Variants in MGAM2 observed in about 807,000 individuals in gnomAD.
MGAM2 encodes the protein maltase-glucoamylase 2 (putative).
In MGAM2, 98 loss-of-function variants were observed where a neutral mutation model predicts 96.1. The observed-to-expected ratio is 1.02, with a 90% CI of 0.87 to 1.21. MGAM2 has a LOEUF of 1.21. Among genes scored for constraint, MGAM2 ranks in the 50% most tolerant of loss-of-function variants. The pLI is 0.00. For synonymous variants in MGAM2, 749 were observed against 414.8 expected (o/e 1.81, Z -9.79); for missense variants, 2,055 against 1,182.4 (o/e 1.74, Z -10.82).
At chr7:142,198,230 G>T in intron 43 of MGAM2, 35 bp downstream of exon 43, 1 of 700,732 alleles carries the variant, frequency 1.4e-6, no homozygotes, top group Non-Finnish European at 2.6e-6. Flanking sequence ...AACCAGTTTG[G>T]TCTATGCAGG....
chr7:142,193,759 C>T (rs1305164177), intron 37 of MGAM2, among the ~76,000 whole-genome samples: 3 of 152,256 alleles, frequency 2.0e-5, no homozygotes, highest in South Asian at 2.1e-4. Context: ...TATGCTCCTT[C>T]CACACCTGGG....
chr7:142,162,034 A>G (rs1329577012), intron 23 of MGAM2, 30 bp downstream of exon 23: 1 of 678,456 alleles, frequency 1.5e-6, no homozygotes, highest in Non-Finnish European at 2.7e-6. Context: ...AACACACAGC[A>G]TATGTTCCTT....
At chr7:142,150,044 C>T (rs1466125913) in intron 15 of MGAM2, among the ~76,000 whole-genome samples, 2 of 151,942 alleles carry the variant, frequency 1.3e-5, no homozygotes, top group South Asian at 2.1e-4. Context: ...CGGGTTCAAG[C>T]GATTTTCCTG....
At chr7:142,126,074 T>C (rs75072591) in intron 3 of MGAM2, among the ~76,000 whole-genome samples, 3,226 of 152,232 alleles carry the variant, frequency 0.021, 123 homozygotes, top group African/African-American at 0.074. Flanking sequence ...TTTTTAAATT[T>C]AAGGCATTTG....
rs1796181961 is a variant in MGAM2 at position 142,171,442 on chromosome 7, T to A, written c.3351+2T>A. ...TTTGCTCATGATGAGCCACCTGCGG[T>A]AGGGACAAAGGAATAAGTTTAGCAA... is the stretch of plus-strand genomic sequence containing the variant. On this transcript the variant is annotated splice_donor_variant, in intron 28 of 47. Transcript: ENST00000477922. LOFTEE classifies it high-confidence loss of function. 2.8e-6 allele frequency: 2 copies of A among 702,742 alleles called. No homozygotes were observed. Among genetic ancestry groups the A allele is most frequent in the Non-Finnish European group, 5.2e-6 (2 of 384,664 alleles). The allele number at this position is 702,742 out of a possible 1,614,324, so 43.5% of individuals were successfully genotyped here. A position where few individuals can be genotyped will look rare whatever the true frequency, so the allele number is the denominator to read the frequency against.
Position 142,186,073 on chromosome 7 carries a change from G to T in MGAM2, c.4072G>T (p.Ala1358Ser). 1.4e-6 allele frequency: 1 copy of T among 706,098 alleles called. No homozygotes were observed. 43.7% of individuals were successfully genotyped at this position (706,098 alleles called of 1,614,324 possible). A position where few individuals can be genotyped will look rare whatever the true frequency, so the allele number is the denominator to read the frequency against. ...WWKKEIEELY[A>S]NPREPEKSLK... ...GAAGAAAGAGATAGAAGAGCTCTAT[G>T]CAAACCCTCGAGAGCCAGAGAAGAG... The change falls in exon 35 of 48, where the codon GCA becomes TCA. Residue 1358 changes from alanine (A) to serine (S), a missense_variant. Coordinates refer to ENST00000477922, the MANE Select transcript of MGAM2 (RefSeq NM_001293626.2).
chr7:142,201,773 T>C (rs1469180525), intron 45 of MGAM2, among the ~76,000 whole-genome samples: 1 of 152,210 alleles, frequency 6.6e-6, no homozygotes, highest in East Asian at 1.9e-4. Flanking sequence ...GTTTTATAAG[T>C]ACCCTGGAGA....
rs57292836 is a variant in MGAM2, at chr7:142,120,212, T to C, written c.107-90T>C. On this transcript the variant is annotated intron_variant, in intron 2 of 47. Transcript: ENST00000477922. ...TACCGGTGATCTGTTGTGTGGAGAATTGGCCAAAAGTCTGTAACTTTGCTG... is the reference window on the plus strand; with the variant it reads ...TACCGGTGATCTGTTGTGTGGAGAACTGGCCAAAAGTCTGTAACTTTGCTG... 774 of 671,288 alleles carry C rather than the reference T, an allele frequency of 1.2e-3. 7 individuals are homozygous for C. The African/African-American group carries it at 0.012, about 10-fold the overall frequency. 41.6% of individuals were successfully genotyped at this position (671,288 alleles called of 1,614,324 possible).
chr7:142,211,337 C>T (rs1367324746), intron 46 of MGAM2, among the ~76,000 whole-genome samples: 3 of 152,206 alleles, frequency 2.0e-5, no homozygotes, highest in African/African-American at 2.4e-5. Flanking sequence ...GGAGAGAGAA[C>T]GAATTTGATG....
rs746809769 is a variant in MGAM2, at chr7:142,196,241, G to T, written c.4434G>T (p.Leu1478Phe). ...CTGGACGCTGGGGAGGACACCGGTT[G>T]GGAAACAACACAGCTGCATGGGACC... ...PSSGRWGGHR[L>F]GNNTAAWDQL... Residue 1478 changes from leucine to phenylalanine, a missense_variant, in exon 38 of 48, where the codon TTG becomes TTT. Coordinates refer to ENST00000477922, the MANE Select transcript of MGAM2 (RefSeq NM_001293626.2). The T allele has an allele frequency of 5.5e-6, 5 of 915,500 alleles. No individual in the cohort carries two copies. In the South Asian group the frequency reaches 7.0e-5, roughly 13 times the overall value. The allele number at this position is 915,500 out of a possible 1,614,324, so 56.7% of individuals were successfully genotyped here. A position where few individuals can be genotyped will look rare whatever the true frequency, so the allele number is the denominator to read the frequency against.
chr7:142,155,303 G>A (rs924107013), intron 17 of MGAM2, among the ~76,000 whole-genome samples: 15 of 152,138 alleles, frequency 9.9e-5, no homozygotes, highest in African/African-American at 2.7e-4. Context: ...TGGAGGACTT[G>A]CCAACTACTT....
At chr7:142,190,020 A>C (rs1029389627) in intron 37 of MGAM2, among the ~76,000 whole-genome samples, 2 of 152,142 alleles carry the variant, frequency 1.3e-5, no homozygotes, top group African/African-American at 4.8e-5. Flanking sequence ...ATAAAATTTC[A>C]TTATATAGAT....
chr7:142,111,847 G>A (rs1394833480), intron 1 of MGAM2, 40 bp downstream of exon 1: 1 of 152,248 alleles, frequency 6.6e-6, no homozygotes, highest in East Asian at 1.9e-4. Context: ...TTTGAACAAG[G>A]GCAGGAAGGT....
intron 14 of MGAM2, among the ~76,000 whole-genome samples, chr7:142,145,236 C>T (rs1017666799): frequency 6.6e-6 from 1 of 152,170 alleles, no homozygotes; most frequent in African/African-American, 2.4e-5. Context: ...CCCCAAATCC[C>T]TCAGGTGTCA....
Position 142,170,207 on chromosome 7 carries a change from C to T in MGAM2, c.3160C>T (p.Arg1054Cys), listed in dbSNP as rs765564996. The T allele has an allele frequency of 7.3e-5, 51 of 702,360 alleles. No individual in the cohort carries two copies. Among genetic ancestry groups the T allele is most frequent in the African/African-American group, 3.3e-4 (19 of 57,204 alleles). 43.5% of individuals were successfully genotyped at this position (702,360 alleles called of 1,614,324 possible). A position where few individuals can be genotyped will look rare whatever the true frequency, so the allele number is the denominator to read the frequency against. The change falls in exon 27 of 48, where the codon CGC becomes TGC. Residue 1054 changes from arginine (R) to cysteine (C), a missense_variant. Arg to Cys is a radical substitution (Grantham distance 180). Coordinates refer to ENST00000477922, the MANE Select transcript of MGAM2 (RefSeq NM_001293626.2). ...CAATCCTTTTGGAATCCAGATTCAACGCAAAAACTCCAGCACTGTGATGTA... is the reference window on the plus strand; with the variant it reads ...CAATCCTTTTGGAATCCAGATTCAATGCAAAAACTCCAGCACTGTGATGTA... ...QNNPFGIQIQ[R>C]KNSSTVIWDS...
At position 142,116,888 on chromosome 7, in the gene MGAM2, C is replaced by G. The variant is rs1817422448; in HGVS notation, c.15C>G (p.Leu5=). 1 of 703,494 alleles carries G rather than the reference C, an allele frequency of 1.4e-6. No individual in the cohort carries two copies. Among genetic ancestry groups the G allele is most frequent in the Non-Finnish European group, 2.6e-6 (1 of 385,100 alleles). The allele number at this position is 703,494 out of a possible 1,614,324, so 43.6% of individuals were successfully genotyped here. MARK[L]SVLEVLLIIF... ...TGTCTATCTAGATGGCGAGGAAGCT[C>G]AGTGTATTGGAAGTCCTTCTGATCA... Residue 5 remains leucine (L), a synonymous_variant, in exon 2 of 48, where the codon CTC becomes CTG. Transcript: ENST00000477922.
intron 21 of MGAM2, 62 bp from the exon 22 acceptor site, chr7:142,161,063 G>C: frequency 1.4e-6 from 1 of 691,518 alleles, no homozygotes; most frequent in Non-Finnish European, 2.6e-6. Flanking sequence ...GATGAAGGTG[G>C]CTGGTTTCAC....
chr7:142,129,592 A>C (rs2129076668), intron 3 of MGAM2, among the ~76,000 whole-genome samples: 1 of 152,116 alleles, frequency 6.6e-6, no homozygotes, highest in South Asian at 2.1e-4. Context: ...TGGGAGGCTG[A>C]GGTGGGTGGA....
At chr7:142,152,204 C>G (rs1795603391) in intron 15 of MGAM2, among the ~76,000 whole-genome samples, 1 of 150,496 alleles carries the variant, frequency 6.6e-6, no homozygotes, top group African/African-American at 2.4e-5. Flanking sequence ...GTTATCTAAT[C>G]TGTTTTACCA....
Sources: gnomAD v4.1 joint callset for allele counts (sites outside exome capture counted in the v4.1 genomes callset) on GRCh38, gnomAD v4.1.1 for gene constraint, MANE v1.5 for transcripts, NCBI Gene and HGNC (gene_info 2026-07-23, HGNC 2026-07-21) for gene names.